NR3C1: variants seen among roughly 807,000 people sequenced by gnomAD.
The protein encoded by NR3C1 is nuclear receptor subfamily 3 group C member 1.
Under a neutral mutation model 74.0 loss-of-function variants are expected in NR3C1, and 14 were observed. The ratio of observed to expected loss-of-function variants is 0.19; its 90% CI spans 0.12 to 0.30. The LOEUF (loss-of-function observed/expected upper bound fraction) is 0.30. Ranked by LOEUF, NR3C1 falls within the 10% of genes least tolerant of loss-of-function variation. The probability of loss-of-function intolerance (pLI) is 1.00; values close to 1 mark genes in which losing one functional copy is unlikely to be tolerated. For synonymous variants in NR3C1, 308 were observed against 332.5 expected, an observed-to-expected ratio of 0.93 and a Z score of 0.80; for missense variants, 695 against 909.8, an observed-to-expected ratio of 0.76 and a Z score of 3.04.
intron 6 of NR3C1, among the ~76,000 whole-genome samples, chr5:143,296,982 G>T (rs1817411918): frequency 6.7e-6 from 1 of 150,240 alleles, no homozygotes; most frequent in Non-Finnish European, 1.5e-5. Context: ...GGAGGCTGAG[G>T]CAGAGAATCA....
At chr5:143,350,944 T>A (rs941773342) in intron 2 of NR3C1, among the ~76,000 whole-genome samples, 1 of 152,206 alleles carries the variant, frequency 6.6e-6, no homozygotes, top group Non-Finnish European at 1.5e-5. Context: ...AGGTCACTGA[T>A]AACCTTGGAA....
chr5:143,306,473 G>T (rs1386401573), intron 4 of NR3C1, among the ~76,000 whole-genome samples: 2 of 152,138 alleles, frequency 1.3e-5, no homozygotes, highest in Non-Finnish European at 2.9e-5. Context: ...GTATACTGAG[G>T]TTAGTTCAAT....
At chr5:143,321,052 C>T (rs1312753804) in intron 2 of NR3C1, among the ~76,000 whole-genome samples, 1 of 152,106 alleles carries the variant, frequency 6.6e-6, no homozygotes, top group African/African-American at 2.4e-5. Context: ...AGAATGAAGA[C>T]CGGATTTTGT....
intron 7 of NR3C1, chr5:143,293,880 T>C (rs1171271235): frequency 1.0e-6 from 1 of 968,992 alleles, no homozygotes; most frequent in African/African-American, 1.8e-5. Context: ...TTTTTTTTTT[T>C]AAACAAGTAA....
intron 2 of NR3C1, among the ~76,000 whole-genome samples, chr5:143,334,985 A>C (rs1341953806): frequency 1.3e-5 from 2 of 152,232 alleles, no homozygotes; most frequent in Non-Finnish European, 2.9e-5. Flanking sequence ...CATAAAGCCA[A>C]AACCTGAAAA....
chr5:143,370,092 T>C (rs529962211), intron 2 of NR3C1, among the ~76,000 whole-genome samples: 2 of 152,340 alleles, frequency 1.3e-5, no homozygotes, highest in African/African-American at 4.8e-5. Flanking sequence ...TTTAAGATAT[T>C]ATGATACTGA....
At position 143,414,007 on chromosome 5, in the gene NR3C1, C is replaced by T. The variant is rs1053336528; in HGVS notation, c.-13-13155G>A. The stretch of plus-strand genomic sequence containing the variant: ...ATATTTTACATTTTAAGAGAATAGA[C>T]ATGACTTAAAATGTTTGTCAGCAAT... On this transcript the variant is annotated intron_variant, in intron 1 of 8. Transcript: ENST00000343796. Among the ~76,000 whole-genome samples, 6 of 152,270 alleles carry T rather than the reference C, an allele frequency of 3.9e-5. No individual in the cohort carries two copies. In the East Asian group the frequency reaches 1.2e-3, roughly 29 times the overall value.
At position 143,400,393 on chromosome 5, in the gene NR3C1, A is replaced by T. The variant is rs1021983347; in HGVS notation, c.447T>A (p.Ala149=). The T allele has an allele frequency of 2.5e-6, 4 of 1,614,106 alleles. No homozygotes were observed. In the African/African-American group the frequency reaches 5.3e-5, roughly 22 times the overall value. The change falls in exon 2 of 9, where the codon GCT becomes GCA. Residue 149 remains alanine, a synonymous_variant. Coordinates refer to ENST00000394464, the MANE Select transcript of NR3C1 (RefSeq NM_000176.3). ...PKSSASTAVS[A]APTEKEFPKT... is the part of the protein sequence containing the mutation. ...TTGGAAACTCCTTCTCTGTGGGGGCAGCAGACACAGCAGTGGATGCTGAAC... is the reference window on the plus strand; with the variant it reads ...TTGGAAACTCCTTCTCTGTGGGGGCTGCAGACACAGCAGTGGATGCTGAAC...
intron 2 of NR3C1, among the ~76,000 whole-genome samples, chr5:143,336,758 C>T (rs978859162): frequency 2.7e-5 from 4 of 148,912 alleles, no homozygotes; most frequent in Non-Finnish European, 6.0e-5. Context: ...GATCACTTGA[C>T]GTGAGGAGTT....
chr5:143,341,195 T>C (rs955808245), intron 2 of NR3C1, among the ~76,000 whole-genome samples: 1 of 152,110 alleles, frequency 6.6e-6, no homozygotes, highest in Non-Finnish European at 1.5e-5. Flanking sequence ...GAATGAACAA[T>C]AGGATAATGG....
intron 2 of NR3C1, among the ~76,000 whole-genome samples, chr5:143,385,210 G>A (rs2151899109): frequency 6.6e-6 from 1 of 152,346 alleles, no homozygotes; most frequent in South Asian, 2.1e-4. Flanking sequence ...GCAACCCTGG[G>A]CCTGGCCCAC....
rs1368380440 is a variant in NR3C1, at chr5:143,279,412, C to T, written c.*2477G>A. On this transcript the variant is annotated 3_prime_UTR_variant, in exon 9 of 9. Transcript: ENST00000394464. ...TTTCTGGTTTTAACCACATAACATT[C>T]TATAAAGGAATGATAATCTACGTTT... 6.5e-7 allele frequency: 1 copy of T among 1,534,334 alleles called. No individual in the cohort carries two copies. Among genetic ancestry groups the T allele is most frequent in the Non-Finnish European group, 8.8e-7 (1 of 1,142,428 alleles).
At chr5:143,349,023 G>A (rs1374256606) in intron 2 of NR3C1, among the ~76,000 whole-genome samples, 2 of 152,126 alleles carry the variant, frequency 1.3e-5, no homozygotes, top group African/African-American at 4.8e-5. Context: ...TGGTAAAACT[G>A]AAGTGGAGGG....
chr5:143,386,703 G>C (rs1837291355), intron 2 of NR3C1, among the ~76,000 whole-genome samples: 1 of 152,168 alleles, frequency 6.6e-6, no homozygotes, highest in African/African-American at 2.4e-5. Flanking sequence ...TTTACTGATG[G>C]AATGAACACA....
chr5:143,312,115 A>C (rs538225989), intron 3 of NR3C1, among the ~76,000 whole-genome samples: 2 of 152,116 alleles, frequency 1.3e-5, no homozygotes, highest in South Asian at 4.2e-4. Context: ...TATGGTATTC[A>C]TTTTTGTGGT....
In NR3C1 at chr5:143,279,724, G is replaced by A. The variant is rs1812822838; in HGVS notation, c.*2165C>T. 4.0e-6 allele frequency: 1 copy of A among 251,146 alleles called. No individual in the cohort carries two copies. The highest frequency in any genetic ancestry group is 2.3e-5 in the African/African-American group (1 of 43,810). The allele number at this position is 251,146 out of a possible 1,614,324, so 15.6% of individuals were successfully genotyped here. ...GATAGAAAGGAATTAGTGTATTATT[G>A]GCAACCTATGAGATTCTGCACTATT... is the stretch of plus-strand genomic sequence containing the variant. On this transcript the variant is annotated 3_prime_UTR_variant, in exon 9 of 9. Transcript: ENST00000394464.
chr5:143,367,349 C>A (rs979510793), intron 2 of NR3C1, among the ~76,000 whole-genome samples: 7 of 152,172 alleles, frequency 4.6e-5, no homozygotes, highest in Middle Eastern at 3.2e-3. Context: ...TGAAGACCAA[C>A]ACAAAGATGC....
chr5:143,358,726 A>ACC (rs757175333), intron 2 of NR3C1, among the ~76,000 whole-genome samples: 6 of 151,866 alleles, frequency 4.0e-5, no homozygotes, highest in African/African-American at 1.5e-4. Flanking sequence ...ACATGGAGAA[A>ACC]CCCCGTCTCT....
At chr5:143,398,360 T>G (rs1205501607) in intron 2 of NR3C1, among the ~76,000 whole-genome samples, 5 of 150,218 alleles carry the variant, frequency 3.3e-5, no homozygotes, top group Admixed American at 2.0e-4. Context: ...TTTTTGGTTT[T>G]TTTTTTTTTT....
Sources: gnomAD v4.1 joint callset for allele counts (sites outside exome capture counted in the v4.1 genomes callset) on GRCh38, gnomAD v4.1.1 for gene constraint, MANE v1.5 for transcripts, NCBI Gene and HGNC (gene_info 2026-07-23, HGNC 2026-07-21) for gene names.